POLA2: variants seen among roughly 807,000 people sequenced by gnomAD.
The protein encoded by POLA2 is DNA polymerase alpha subunit B.
Under a neutral mutation model 82.8 loss-of-function variants are expected in POLA2, and 47 were observed. The observed-to-expected ratio is 0.57, with a 90% CI of 0.45 to 0.72. The LOEUF is 0.72. Among genes scored for constraint, POLA2 ranks in the 30% least tolerant of loss-of-function variants. The pLI, the probability that POLA2 is intolerant of heterozygous loss-of-function variation, is 0.00. For synonymous variants in POLA2, 287 were observed against 286.8 expected (o/e 1.00, Z -0.01); for missense variants, 634 against 728.1 (o/e 0.87, Z 1.49).
At chr11:65,283,702 C>G (rs901491207) in intron 10 of POLA2, among the ~76,000 whole-genome samples, 3 of 152,012 alleles carry the variant, frequency 2.0e-5, no homozygotes, top group Non-Finnish European at 4.4e-5. Flanking sequence ...TCTTGAACTC[C>G]TGACCTTGTG....
intron 4 of POLA2, among the ~76,000 whole-genome samples, chr11:65,270,467 T>G (rs1231901240): frequency 2.0e-5 from 3 of 152,158 alleles, no homozygotes; most frequent in Non-Finnish European, 4.4e-5. Context: ...TTAAAAGAAA[T>G]AATTAGGTGT....
intron 6 of POLA2, among the ~76,000 whole-genome samples, chr11:65,279,224 G>T (rs1348429325): frequency 6.6e-6 from 1 of 152,182 alleles, no homozygotes; most frequent in African/African-American, 2.4e-5. Context: ...GCCTTCTTCA[G>T]GTTGGCCTTG....
intron 15 of POLA2, 93 bp from the exon 16 acceptor site, chr11:65,295,447 C>T (rs1949799784): frequency 8.7e-7 from 1 of 1,144,136 alleles, no homozygotes; most frequent in African/African-American, 1.5e-5. Context: ...GGCCATTTAC[C>T]TTCTCTCTGG....
chr11:65,267,704 G>A, intron 3 of POLA2, 136 bp downstream of exon 3: 1 of 514,256 alleles, frequency 1.9e-6, no homozygotes, highest in Non-Finnish European at 3.4e-6. Context: ...CAGCACTTTT[G>A]GAGGCCGAGG....
In POLA2 at chr11:65,294,532, C is replaced by T. The variant is rs369793165; in HGVS notation, c.1354-14C>T. On this transcript the variant is annotated splice_polypyrimidine_tract_variant and intron_variant, in intron 14 of 17. Transcript: ENST00000265465. ...TGGCATACAAATGTTTGTTTCAATCCGTTCTCATTTTAGCAAGTACAGTTT... is the reference window on the plus strand; with the variant it reads ...TGGCATACAAATGTTTGTTTCAATCTGTTCTCATTTTAGCAAGTACAGTTT... The T allele has an allele frequency of 5.0e-6, 8 of 1,591,346 alleles. No homozygotes were observed. The highest frequency in any genetic ancestry group is 4.5e-5 in the East Asian group (2 of 44,552).
At chr11:65,292,341 G>A (rs189614534) in intron 13 of POLA2, among the ~76,000 whole-genome samples, 13 of 152,338 alleles carry the variant, frequency 8.5e-5, no homozygotes, top group Admixed American at 7.8e-4. Flanking sequence ...CCGCTGTGAC[G>A]TACGAGGTTG....
Position 65,289,056 on chromosome 11 carries a change from C to T in POLA2, c.1138C>T (p.Pro380Ser). Residue 380 changes from proline (P) to serine (S), a missense_variant, in exon 12 of 18, where the codon CCT becomes TCT. Physicochemically the swap from Pro to Ser is moderately conservative, Grantham distance 74. Transcript: ENST00000265465. ...DRPDVCILFG[P>S]FLDAKHEQVE... ...TTTGTTTCTCCCCTTGCAGTTTGGC[C>T]CTTTCCTGGATGCTAAGCATGAACA... 1 of 1,613,440 alleles carries T rather than the reference C, an allele frequency of 6.2e-7. No individual in the cohort carries two copies. Among genetic ancestry groups the T allele is most frequent in the Non-Finnish European group, 8.5e-7 (1 of 1,179,658 alleles).
Position 65,298,128 on chromosome 11 carries a change from G to A in POLA2, c.*859G>A, listed in dbSNP as rs899856861. 1.3e-5 allele frequency: 2 copies of A among 152,478 alleles called. No homozygotes were observed. The highest frequency in any genetic ancestry group is 4.8e-5 in the African/African-American group (2 of 41,462). The allele number at this position is 152,478 out of a possible 1,614,324, so 9.4% of individuals were successfully genotyped here. A position where few individuals can be genotyped will look rare whatever the true frequency, so the allele number is the denominator to read the frequency against. Reference sequence around the variant, plus strand: ...AGGCCCCAGTGACCTCTATGCTGCAGAGGTGCACTGGGTGGGCCCTAGAGC... The same window carrying A: ...AGGCCCCAGTGACCTCTATGCTGCAAAGGTGCACTGGGTGGGCCCTAGAGC... On this transcript the variant is annotated 3_prime_UTR_variant, in exon 18 of 18. Coordinates refer to ENST00000265465, the MANE Select transcript of POLA2 (RefSeq NM_002689.4).
chr11:65,272,583 C>G (rs1218847463), intron 4 of POLA2, among the ~76,000 whole-genome samples: 1 of 152,154 alleles, frequency 6.6e-6, no homozygotes, highest in Non-Finnish European at 1.5e-5. Flanking sequence ...GTTCCCATAC[C>G]CTTGGCAATT....
rs1227677116 is a variant in POLA2, at chr11:65,262,120, C to T, written c.-173C>T. ...AAAAGTATTTCTCTGTGACCGACGGCCGGGGCCTTCTGACGGTCTGAGGTC... is the reference window on the plus strand; with the variant it reads ...AAAAGTATTTCTCTGTGACCGACGGTCGGGGCCTTCTGACGGTCTGAGGTC... On this transcript the variant is annotated 5_prime_UTR_variant, in exon 1 of 18. Coordinates refer to ENST00000265465, the MANE Select transcript of POLA2 (RefSeq NM_002689.4). 3.4e-6 allele frequency: 2 copies of T among 592,542 alleles called. No homozygotes were observed. The highest frequency in any genetic ancestry group is 6.0e-6 in the Non-Finnish European group (2 of 331,784). The allele number at this position is 592,542 out of a possible 1,614,324, so 36.7% of individuals were successfully genotyped here.
rs1303277930 is a variant in POLA2 at position 65,289,783 on chromosome 11, C to G, written c.1171-16C>G. On this transcript the variant is annotated splice_polypyrimidine_tract_variant and intron_variant, in intron 12 of 17. Coordinates refer to ENST00000265465, the MANE Select transcript of POLA2 (RefSeq NM_002689.4). ...AACATCTGCCGTCTAAATCTGTCTC[C>G]TTTCCTTTCTTGCAGAATTGTCTAC... is the stretch of plus-strand genomic sequence containing the variant. 6.4e-7 allele frequency: 1 copy of G among 1,569,490 alleles called. No homozygotes were observed. The highest frequency in any genetic ancestry group is 8.8e-7 in the Non-Finnish European group (1 of 1,139,932).
chr11:65,304,240 CATCT>C lies in POLA2; in HGVS notation c.657-1125_657-1122del, dbSNP rs1186448110. Among the ~76,000 whole-genome samples, 5 of 152,062 alleles carry C rather than the reference CATCT, an allele frequency of 3.3e-5. No individual in the cohort carries two copies. The East Asian group carries it at 9.6e-4, about 29-fold the overall frequency. The stretch of plus-strand genomic sequence containing the variant: ...CCATCCATTCATCTACCCACCCACC[CATCT>C]ATCTATCCATCCACGTAACCATCCA... On this transcript the variant is annotated intron_variant, in intron 8 of 8. Transcript: ENST00000525924.
At chr11:65,274,287 G>C (rs1265579673) in intron 4 of POLA2, among the ~76,000 whole-genome samples, 2 of 151,780 alleles carry the variant, frequency 1.3e-5, no homozygotes, top group East Asian at 3.9e-4. Flanking sequence ...GGGAGGTGGA[G>C]TTGCAGTGAG....
In POLA2 at chr11:65,294,143, G is replaced by T. The variant is rs1015618577; in HGVS notation, c.1245-10G>T. Reference sequence around the variant, plus strand: ...TTCTCACTCTTCTGTTTGTTCTTTTGCCATACTAGCTCCGGCTCCCACCTT... The same window carrying T: ...TTCTCACTCTTCTGTTTGTTCTTTTTCCATACTAGCTCCGGCTCCCACCTT... On this transcript the variant is annotated splice_polypyrimidine_tract_variant and intron_variant, in intron 13 of 17. Transcript: ENST00000265465. 1.2e-6 allele frequency: 2 copies of T among 1,606,374 alleles called. No individual in the cohort carries two copies. Among genetic ancestry groups the T allele is most frequent in the Non-Finnish European group, 1.7e-6 (2 of 1,176,310 alleles).
At chr11:65,301,463 T>A (rs947438966), downstream of POLA2, among the ~76,000 whole-genome samples, 1 of 150,782 alleles carries the variant, frequency 6.6e-6, no homozygotes, top group East Asian at 2.0e-4. Context: ...CTGGGTCTGT[T>A]GGGGCAGGTC....
Position 65,278,724 on chromosome 11 carries a change from A to T in POLA2, c.462-6A>T. On this transcript the variant is annotated splice_region_variant and splice_polypyrimidine_tract_variant and intron_variant, in intron 5 of 17. Transcript: ENST00000265465. Reference sequence around the variant, plus strand: ...AGTAATATTAACCTGTTTTGCTTCCAATTAGTGCTACTCCCTCCCAGAAAT... The same window carrying T: ...AGTAATATTAACCTGTTTTGCTTCCTATTAGTGCTACTCCCTCCCAGAAAT... The T allele has an allele frequency of 6.2e-7, 1 of 1,611,212 alleles. No individual in the cohort carries two copies. Among genetic ancestry groups the T allele is most frequent in the Non-Finnish European group, 8.5e-7 (1 of 1,178,640 alleles).
At chr11:65,263,742 G>A (rs1590888019) in intron 1 of POLA2, among the ~76,000 whole-genome samples, 1 of 151,802 alleles carries the variant, frequency 6.6e-6, no homozygotes, top group East Asian at 2.0e-4. Flanking sequence ...CGGAAGAATC[G>A]CTTGAACATG....
chr11:65,297,411 GC>G lies in POLA2; in HGVS notation c.*145del. ...AGGGAGGGGCAGCTGCAGTGACCAGGCCCAGCAGGGAGGACTTGTGCAGCCG... is the reference window on the plus strand; with the variant it reads ...AGGGAGGGGCAGCTGCAGTGACCAGGCCAGCAGGGAGGACTTGTGCAGCCG... On this transcript the variant is annotated 3_prime_UTR_variant, in exon 18 of 18. Coordinates refer to ENST00000265465, the MANE Select transcript of POLA2 (RefSeq NM_002689.4). 2.1e-6 allele frequency: 2 copies of G among 956,716 alleles called. No homozygotes were observed. Among genetic ancestry groups the G allele is most frequent in the Non-Finnish European group, 2.9e-6 (2 of 684,476 alleles). The allele number at this position is 956,716 out of a possible 1,614,324, so 59.3% of individuals were successfully genotyped here. A position where few individuals can be genotyped will look rare whatever the true frequency, so the allele number is the denominator to read the frequency against.
rs1239240231 is a variant in POLA2, at chr11:65,280,859, GGGTCAAA to G, written c.745-131_745-125del. 10 of 821,094 alleles carry G rather than the reference GGGTCAAA, an allele frequency of 1.2e-5. No homozygotes were observed. In the African/African-American group the frequency reaches 1.4e-4, roughly 11 times the overall value. 50.9% of individuals were successfully genotyped at this position (821,094 alleles called of 1,614,324 possible). The stretch of plus-strand genomic sequence containing the variant: ...CAGTGATGACGCGGTAGTCACCTCA[GGGTCAAA>G]GCAATGCCCTGCCAAGAAATGTATT... On this transcript the variant is annotated intron_variant, in intron 7 of 17. Transcript: ENST00000265465.
Sources: gnomAD v4.1 joint callset for allele counts (sites outside exome capture counted in the v4.1 genomes callset) on GRCh38, gnomAD v4.1.1 for gene constraint, MANE v1.5 for transcripts, NCBI Gene and HGNC (gene_info 2026-07-23, HGNC 2026-07-21) for gene names.